The following PPP1R14A variants were observed in gnomAD, a reference collection of about 807,000 sequenced individuals.
PPP1R14A encodes protein phosphatase 1 regulatory inhibitor subunit 14A.
PPP1R14A carries 9 observed loss-of-function variants against 14.1 expected under a neutral mutation model. The ratio of observed to expected loss-of-function variants is 0.64; its 90% CI spans 0.38 to 1.11. The LOEUF is 1.11. Among genes scored for constraint, PPP1R14A ranks in the 50% most tolerant of loss-of-function variants. The pLI is 0.01. For synonymous variants in PPP1R14A, 93 were observed against 88.7 expected, an observed-to-expected ratio of 1.05 and a Z score of -0.27; for missense variants, 208 against 200.7, an observed-to-expected ratio of 1.04 and a Z score of -0.22.
Position 38,251,420 on chromosome 19 carries a change from C to T in PPP1R14A, c.342G>A (p.Lys114=), listed in dbSNP as rs1968188855. Residue 114 remains lysine (K), a synonymous_variant, in exon 4 of 4, where the codon AAG becomes AAA. Coordinates refer to ENST00000301242, the MANE Select transcript of PPP1R14A (RefSeq NM_033256.3). ...CGGGCTGCCTGTGGAGGCCTTGAAG[C>T]TTTGCCAGCAGCTCCTGGATGAAGT... ...VEDFIQELLA[K]LQGLHRQPGL... is the part of the protein sequence containing the mutation. The T allele has an allele frequency of 1.3e-6, 2 of 1,569,076 alleles. No homozygotes were observed. Among genetic ancestry groups the T allele is most frequent in the Non-Finnish European group, 1.7e-6 (2 of 1,164,342 alleles).
Position 38,256,062 on chromosome 19 carries a change from GA to G in PPP1R14A, c.201+76del. ...GGCCGTGCACCAGCGAGTGTGCACC[GA>G]GACCCCAAGGGCGTGGGGTCTCCGC... is the stretch of plus-strand genomic sequence containing the variant. On this transcript the variant is annotated intron_variant, in intron 1 of 3. Transcript: ENST00000301242. The surrounding 1 kb of genome is among the most constrained non-coding windows in gnomAD (Gnocchi z 5.7). 7.6e-7 allele frequency: 1 copy of G among 1,322,394 alleles called. No homozygotes were observed. The highest frequency in any genetic ancestry group is 1.0e-6 in the Non-Finnish European group (1 of 983,294). The allele number at this position is 1,322,394 out of a possible 1,614,324, so 81.9% of individuals were successfully genotyped here.
intron 1 of PPP1R14A, among the ~76,000 whole-genome samples, chr19:38,255,586 G>T (rs1334748370): frequency 6.6e-6 from 1 of 151,902 alleles, no homozygotes; most frequent in African/African-American, 2.4e-5. Flanking sequence ...GTGTCTGCGG[G>T]TGGCTGTGAC....
chr19:38,254,083 G>A (rs1462388159), intron 1 of PPP1R14A, among the ~76,000 whole-genome samples: 1 of 152,188 alleles, frequency 6.6e-6, no homozygotes, highest in Non-Finnish European at 1.5e-5. Context: ...CAGAGGGACT[G>A]CATGTCACCA....
At chr19:38,251,518 C>CAGGG in intron 3 of PPP1R14A, 72 bp from the exon 4 acceptor site, 1 of 1,443,106 alleles carries the variant, frequency 6.9e-7, no homozygotes, top group Non-Finnish European at 9.1e-7. Flanking sequence ...CCAGCCCAGT[C>CAGGG]CCTGACCTGG....
In PPP1R14A at chr19:38,252,813, A is replaced by C; in HGVS notation, c.282+81T>G. On this transcript the variant is annotated intron_variant, in intron 2 of 3. Coordinates refer to ENST00000301242, the MANE Select transcript of PPP1R14A (RefSeq NM_033256.3). This position sits in a 1 kb window ranked among gnomAD's most constrained non-coding sequence, Gnocchi z 4.1. ...CACCAGTGCCCGGCATCTAGTGAGC[A>C]CTCAGTAAACACGTGAACTATTGCT... 9.8e-7 allele frequency: 1 copy of C among 1,017,906 alleles called. No individual in the cohort carries two copies. The highest frequency in any genetic ancestry group is 1.6e-6 in the Non-Finnish European group (1 of 639,104). 63.1% of individuals were successfully genotyped at this position (1,017,906 alleles called of 1,614,324 possible). A position where few individuals can be genotyped will look rare whatever the true frequency, so the allele number is the denominator to read the frequency against.
Position 38,251,392 on chromosome 19 carries a change from G to A in PPP1R14A, c.370C>T (p.Leu124Phe), listed in dbSNP as rs140507040. The change falls in exon 4 of 4, where the codon CTC becomes TTC. Residue 124 changes from leucine (L) to phenylalanine (F), a missense_variant. Leu to Phe is a conservative substitution (Grantham distance 22). Coordinates refer to ENST00000301242, the MANE Select transcript of PPP1R14A (RefSeq NM_033256.3). ...KLQGLHRQPGLRQPSPSHDGS... is the reference protein window; with the variant it reads ...KLQGLHRQPGFRQPSPSHDGS... ...TCGTGGGAGGGGCTTGGCTGGCGGA[G>A]GCCGGGCTGCCTGTGGAGGCCTTGA... The A allele has an allele frequency of 9.7e-4, 1,512 of 1,562,990 alleles. 2 individuals are homozygous for A. Among genetic ancestry groups the A allele is most frequent in the Non-Finnish European group, 1.2e-3 (1,381 of 1,162,676 alleles).
At chr19:38,251,736 C>T in intron 3 of PPP1R14A, 2 of 467,350 alleles carry the variant, frequency 4.3e-6, no homozygotes, top group South Asian at 7.9e-5. Flanking sequence ...AACAGAGAGA[C>T]ATGTAGAGAT....
chr19:38,255,968 T>C (rs1004970590), intron 1 of PPP1R14A, among the ~76,000 whole-genome samples, 171 bp downstream of exon 1: 2 of 151,828 alleles, frequency 1.3e-5, no homozygotes, highest in Admixed American at 1.3e-4. Flanking sequence ...CACAATGCCA[T>C]AGAGCACGGA....
In PPP1R14A at chr19:38,251,273, A is replaced by C. The variant is rs951487124; in HGVS notation, c.*45T>G. ...GAACCATTAAATACAACTTATACAC[A>C]AGCAAGCTGGGCGGCGTCCGGGGGG... On this transcript the variant is annotated 3_prime_UTR_variant, in exon 4 of 4. Transcript: ENST00000301242. The C allele has an allele frequency of 2.1e-6, 3 of 1,400,172 alleles. No individual in the cohort carries two copies. In the African/African-American group the frequency reaches 4.6e-5, roughly 21 times the overall value. The allele number at this position is 1,400,172 out of a possible 1,614,324, so 86.7% of individuals were successfully genotyped here.
At position 38,252,421 on chromosome 19, in the gene PPP1R14A, C is replaced by T; in HGVS notation, c.283-83G>A. 7.2e-7 allele frequency: 1 copy of T among 1,379,710 alleles called. No individual in the cohort carries two copies. The highest frequency in any genetic ancestry group is 1.0e-6 in the Non-Finnish European group (1 of 986,524). 85.5% of individuals were successfully genotyped at this position (1,379,710 alleles called of 1,614,324 possible). A position where few individuals can be genotyped will look rare whatever the true frequency, so the allele number is the denominator to read the frequency against. The stretch of plus-strand genomic sequence containing the variant: ...CCAGCCCCTTCCCTTTCCCAAAAGG[C>T]CCCAGCAGCAAGACAAATGGAAGTC... On this transcript the variant is annotated intron_variant, in intron 2 of 3. Coordinates refer to ENST00000301242, the MANE Select transcript of PPP1R14A (RefSeq NM_033256.3). The surrounding 1 kb of genome is among the most constrained non-coding windows in gnomAD (Gnocchi z 4.1).
chr19:38,253,179 G>A (rs111964096), intron 1 of PPP1R14A: 2 of 562,654 alleles, frequency 3.6e-6, no homozygotes, highest in Non-Finnish European at 6.4e-6. Flanking sequence ...GAGCCCCGGG[G>A]CCCTGTACCA....
At position 38,252,573 on chromosome 19, in the gene PPP1R14A, C is replaced by G. The variant is rs1188069783; in HGVS notation, c.283-235G>C. Among the ~76,000 whole-genome samples, 1 of 152,044 alleles carries G rather than the reference C, an allele frequency of 6.6e-6. No individual in the cohort carries two copies. Among genetic ancestry groups the G allele is most frequent in the Non-Finnish European group, 1.5e-5 (1 of 68,024 alleles). ...GGCGAGAGGGTCACACAGCACTTCC[C>G]TCCTCTAAAAAGGTATAAGCCATAA... On this transcript the variant is annotated intron_variant, in intron 2 of 3. Coordinates refer to ENST00000301242, the MANE Select transcript of PPP1R14A (RefSeq NM_033256.3). The surrounding 1 kb of genome is among the most constrained non-coding windows in gnomAD (Gnocchi z 4.1).
Position 38,252,128 on chromosome 19 carries a change from C to A in PPP1R14A, c.315+178G>T. The A allele has an allele frequency of 3.2e-6, 2 of 619,876 alleles. No individual in the cohort carries two copies. The highest frequency in any genetic ancestry group is 5.5e-5 in the East Asian group (2 of 36,192). 38.4% of individuals were successfully genotyped at this position (619,876 alleles called of 1,614,324 possible). A position where few individuals can be genotyped will look rare whatever the true frequency, so the allele number is the denominator to read the frequency against. ...CAGATGGGGGAGAGAGGGAGAGAGA[C>A]AAGTAGGAGGACAAAAGACACCCCT... On this transcript the variant is annotated intron_variant, in intron 3 of 3. Coordinates refer to ENST00000301242, the MANE Select transcript of PPP1R14A (RefSeq NM_033256.3). This position sits in a 1 kb window ranked among gnomAD's most constrained non-coding sequence, Gnocchi z 4.1.
Position 38,252,313 on chromosome 19 carries a change from G to GAAA in PPP1R14A, c.307_308insTTT (p.Pro103delinsLeuSer). On this transcript the variant is annotated protein_altering_variant, in exon 3 of 4. Transcript: ENST00000301242. This position sits in a 1 kb window ranked among gnomAD's most constrained non-coding sequence, Gnocchi z 4.1. ...GAGGGAGAGAAAACTCACCTCGACAGGTTTCCCACATGACTTCAGGAGTCC... is the reference window on the plus strand; with the variant it reads ...GAGGGAGAGAAAACTCACCTCGACAGAAAGTTTCCCACATGACTTCAGGAGTCC... 1 of 1,612,408 alleles carries GAAA rather than the reference G, an allele frequency of 6.2e-7. No homozygotes were observed. The highest frequency in any genetic ancestry group is 8.5e-7 in the Non-Finnish European group (1 of 1,179,364).
Position 38,252,630 on chromosome 19 carries a change from C to T in PPP1R14A, c.282+264G>A, listed in dbSNP as rs1419546550. 3.3e-5 allele frequency among the ~76,000 whole-genome samples: 5 copies of T among 152,180 alleles called. No homozygotes were observed. Among genetic ancestry groups the T allele is most frequent in the Non-Finnish European group, 5.9e-5 (4 of 68,008 alleles). On this transcript the variant is annotated intron_variant, in intron 2 of 3. Coordinates refer to ENST00000301242, the MANE Select transcript of PPP1R14A (RefSeq NM_033256.3). This position sits in a 1 kb window ranked among gnomAD's most constrained non-coding sequence, Gnocchi z 4.1. ...ACATGGCTGCCAAACTGCCTGGGTT[C>T]GATGCCCAGCTCTGCTCCTTCTGAG...
Position 38,252,380 on chromosome 19 carries a change from T to C in PPP1R14A, c.283-42A>G, listed in dbSNP as rs768567795. The C allele has an allele frequency of 6.3e-7, 1 of 1,592,342 alleles. No homozygotes were observed. Among genetic ancestry groups the C allele is most frequent in the South Asian group, 1.1e-5 (1 of 89,504 alleles). On this transcript the variant is annotated intron_variant, in intron 2 of 3. Coordinates refer to ENST00000301242, the MANE Select transcript of PPP1R14A (RefSeq NM_033256.3). This position sits in a 1 kb window ranked among gnomAD's most constrained non-coding sequence, Gnocchi z 4.1. ...AGAACAAAACAAAACAGTAAATGAC[T>C]AACACCTACTCCCCTCCAGCCCCTT...
chr19:38,252,488 C>T lies in PPP1R14A; in HGVS notation c.283-150G>A. The T allele has an allele frequency of 2.5e-6, 2 of 802,948 alleles. No homozygotes were observed. Among genetic ancestry groups the T allele is most frequent in the Non-Finnish European group, 4.1e-6 (2 of 489,288 alleles). 49.7% of individuals were successfully genotyped at this position (802,948 alleles called of 1,614,324 possible). Reference sequence around the variant, plus strand: ...TGCCCACCAAGCTTCAAGAGAGGAACAGAGCCCAAGGGGCATGTGGATCGA... The same window carrying T: ...TGCCCACCAAGCTTCAAGAGAGGAATAGAGCCCAAGGGGCATGTGGATCGA... On this transcript the variant is annotated intron_variant, in intron 2 of 3. Transcript: ENST00000301242. The surrounding 1 kb of genome is among the most constrained non-coding windows in gnomAD (Gnocchi z 4.1).
chr19:38,254,234 G>A (rs1197515508), intron 1 of PPP1R14A, among the ~76,000 whole-genome samples: 3 of 152,188 alleles, frequency 2.0e-5, no homozygotes, highest in Non-Finnish European at 2.9e-5. Context: ...TTGGGAGGCC[G>A]ACAAGAGAGA....
In PPP1R14A at chr19:38,251,399, C is replaced by T; in HGVS notation, c.363G>A (p.Gln121=). 1 of 1,561,496 alleles carries T rather than the reference C, an allele frequency of 6.4e-7. No individual in the cohort carries two copies. Among genetic ancestry groups the T allele is most frequent in the Non-Finnish European group, 8.6e-7 (1 of 1,162,102 alleles). The change falls in exon 4 of 4, where the codon CAG becomes CAA. Residue 121 remains glutamine (Q), a synonymous_variant. Coordinates refer to ENST00000301242, the MANE Select transcript of PPP1R14A (RefSeq NM_033256.3). ...AGGGGCTTGGCTGGCGGAGGCCGGGCTGCCTGTGGAGGCCTTGAAGCTTTG... is the reference window on the plus strand; with the variant it reads ...AGGGGCTTGGCTGGCGGAGGCCGGGTTGCCTGTGGAGGCCTTGAAGCTTTG... The part of the protein sequence containing the change: ...LLAKLQGLHR[Q]PGLRQPSPSH...
Sources: gnomAD v4.1 joint callset for allele counts (sites outside exome capture counted in the v4.1 genomes callset) on GRCh38, gnomAD v4.1.1 for gene constraint, Gnocchi (gnomAD v3.1) non-coding constraint, MANE v1.5 for transcripts, NCBI Gene and HGNC (gene_info 2026-07-23, HGNC 2026-07-21) for gene names.